Variants in SGCZ observed in about 807,000 individuals in gnomAD.
The protein encoded by SGCZ is sarcoglycan zeta.
A neutral mutation model predicts 41.3 loss-of-function variants in SGCZ; 40 were observed. The ratio of observed to expected loss-of-function variants is 0.97; its 90% CI spans 0.75 to 1.26. The LOEUF is 1.26. SGCZ is among the 50% of genes most tolerant of loss of function. The probability of loss-of-function intolerance (pLI) is 0.00; values close to 1 mark genes in which losing one functional copy is unlikely to be tolerated. For missense variants in SGCZ, 552 were observed against 369.8 expected, an observed-to-expected ratio of 1.49 and a Z score of -4.04; for synonymous variants, 206 against 137.5, an observed-to-expected ratio of 1.50 and a Z score of -3.49.
chr8:15,070,633 G>T (rs570020734), intron 1 of SGCZ, among the ~76,000 whole-genome samples: 47 of 152,234 alleles, frequency 3.1e-4, no homozygotes, highest in African/African-American at 1.1e-3. Flanking sequence ...AAAATTTATT[G>T]CAAATGGATT....
At chr8:14,971,986 G>A (rs1190133428) in intron 1 of SGCZ, among the ~76,000 whole-genome samples, 2 of 152,000 alleles carry the variant, frequency 1.3e-5, no homozygotes, top group Non-Finnish European at 2.9e-5. Flanking sequence ...AGGTATATTG[G>A]CTTCCAGTTT....
intron 3 of SGCZ, chr8:14,309,528 G>A: frequency 1.2e-6 from 2 of 1,610,038 alleles, no homozygotes; most frequent in Non-Finnish European, 1.7e-6. Context: ...ACTACTGAAT[G>A]TGAAAACAAA....
At chr8:14,124,472 T>G (rs1163394751) in intron 5 of SGCZ, among the ~76,000 whole-genome samples, 1 of 152,220 alleles carries the variant, frequency 6.6e-6, no homozygotes, top group Non-Finnish European at 1.5e-5. Flanking sequence ...AATGGTCAGC[T>G]TGATTAATTA....
At chr8:14,221,756 T>C (rs1806201767) in intron 4 of SGCZ, among the ~76,000 whole-genome samples, 2 of 152,144 alleles carry the variant, frequency 1.3e-5, no homozygotes, top group South Asian at 4.2e-4. Context: ...GCCAACATGG[T>C]GAAACCTCAT....
intron 1 of SGCZ, among the ~76,000 whole-genome samples, chr8:14,754,074 G>T (rs1396743919): frequency 2.0e-5 from 3 of 152,154 alleles, no homozygotes. Context: ...TGTCAACAGA[G>T]TTCTGCATTG....
chr8:14,491,051 C>T (rs1233680532), intron 2 of SGCZ, among the ~76,000 whole-genome samples: 1 of 152,222 alleles, frequency 6.6e-6, no homozygotes, highest in East Asian at 1.9e-4. Flanking sequence ...GTTATGTTTC[C>T]TCATTTTACT....
intron 1 of SGCZ, among the ~76,000 whole-genome samples, chr8:14,821,705 G>T (rs1802093303): frequency 1.3e-5 from 2 of 151,692 alleles, no homozygotes; most frequent in Non-Finnish European, 2.9e-5. Context: ...TTGAAACAAA[G>T]ACAAACATCC....
At chr8:14,451,852 A>C (rs1800603471) in intron 2 of SGCZ, among the ~76,000 whole-genome samples, 2 of 152,256 alleles carry the variant, frequency 1.3e-5, no homozygotes, top group Non-Finnish European at 2.9e-5. Flanking sequence ...GAAGACATGG[A>C]ACAACAGAAA....
chr8:14,934,365 G>T (rs1363922311), intron 1 of SGCZ, among the ~76,000 whole-genome samples: 1 of 151,880 alleles, frequency 6.6e-6, no homozygotes, highest in Admixed American at 6.6e-5. Context: ...TTCCAGGATT[G>T]AAAGTATAAA....
chr8:14,290,208 A>C (rs2116942428), intron 3 of SGCZ, among the ~76,000 whole-genome samples: 1 of 152,250 alleles, frequency 6.6e-6, no homozygotes, highest in Non-Finnish European at 1.5e-5. Flanking sequence ...AAAAGCCTTA[A>C]ACGTAAGACT....
chr8:14,830,957 G>T (rs940184014), intron 1 of SGCZ, among the ~76,000 whole-genome samples: 9 of 152,156 alleles, frequency 5.9e-5, no homozygotes, highest in Admixed American at 5.9e-4. Context: ...TTTAATTTAG[G>T]AAGTGGAAGT....
At chr8:14,723,163 T>C (rs188517083) in intron 1 of SGCZ, among the ~76,000 whole-genome samples, 2 of 152,216 alleles carry the variant, frequency 1.3e-5, no homozygotes, top group African/African-American at 4.8e-5. Context: ...GCCACTCCCA[T>C]GGAAAGAAAC....
chr8:15,208,730 C>T (rs886629069), intron 1 of SGCZ, among the ~76,000 whole-genome samples: 1 of 152,046 alleles, frequency 6.6e-6, no homozygotes, highest in African/African-American at 2.4e-5. Context: ...TTACATGAAA[C>T]CTTGAGCAAG....
In SGCZ at chr8:14,824,720, A is replaced by G. The variant is rs377637099; in HGVS notation, c.40-269794T>C. Reference sequence around the variant, plus strand: ...TGATAATTAAGAAATTTCACTGCCTATGCTACCTTGAGCTTACATTCCCCT... The same window carrying G: ...TGATAATTAAGAAATTTCACTGCCTGTGCTACCTTGAGCTTACATTCCCCT... On this transcript the variant is annotated intron_variant, in intron 1 of 7. Coordinates refer to ENST00000382080, the MANE Select transcript of SGCZ (RefSeq NM_139167.4). 8.5e-5 allele frequency among the ~76,000 whole-genome samples: 13 copies of G among 152,204 alleles called. No homozygotes were observed. In the East Asian group the frequency reaches 2.3e-3, roughly 27 times the overall value.
intron 2 of SGCZ, among the ~76,000 whole-genome samples, chr8:14,426,805 T>A (rs1165409546): frequency 3.3e-5 from 5 of 151,982 alleles, no homozygotes; most frequent in Non-Finnish European, 7.4e-5. Flanking sequence ...TGGCTTAAAG[T>A]GAGTTGCAAA....
rs898228339 is a variant in SGCZ at position 14,548,192 on chromosome 8, G to C, written c.234+6540C>G. 3.9e-5 allele frequency among the ~76,000 whole-genome samples: 6 copies of C among 152,236 alleles called. No homozygotes were observed. The East Asian group carries it at 1.2e-3, about 29-fold the overall frequency. On this transcript the variant is annotated intron_variant, in intron 2 of 7. Coordinates refer to ENST00000382080, the MANE Select transcript of SGCZ (RefSeq NM_139167.4). ...CCACAGTTTAAATAACTTGCACGAGGTAATAGAGCTAATAAATGAGAAAGC... is the reference window on the plus strand; with the variant it reads ...CCACAGTTTAAATAACTTGCACGAGCTAATAGAGCTAATAAATGAGAAAGC...
intron 1 of SGCZ, among the ~76,000 whole-genome samples, chr8:15,068,781 C>T (rs951558281): frequency 3.9e-5 from 6 of 152,266 alleles, no homozygotes; most frequent in Admixed American, 2.6e-4. Flanking sequence ...AATAAATTCT[C>T]TCATTTAAAA....
intron 2 of SGCZ, among the ~76,000 whole-genome samples, chr8:14,336,429 G>A (rs994924757): frequency 1.3e-5 from 2 of 152,100 alleles, no homozygotes; most frequent in Admixed American, 6.6e-5. Context: ...ATGATAGAAT[G>A]ATTATATTCC....
At chr8:14,507,294 C>G (rs1324589031) in intron 2 of SGCZ, among the ~76,000 whole-genome samples, 1 of 152,290 alleles carries the variant, frequency 6.6e-6, no homozygotes, top group South Asian at 2.1e-4. Flanking sequence ...CCATAGCATT[C>G]TCCATCCCAA....
Sources: allele counts gnomAD v4.1 joint callset (sites outside exome capture counted in the v4.1 genomes callset), GRCh38; gene constraint gnomAD v4.1.1; transcripts MANE v1.5; gene names NCBI Gene and HGNC (gene_info 2026-07-23, HGNC 2026-07-21).